The following SYNE2 variants were observed in gnomAD, a reference collection of about 807,000 sequenced individuals.
The protein encoded by SYNE2 is nesprin-2.
A neutral mutation model predicts 856.3 loss-of-function variants in SYNE2; 431 were observed. The ratio of observed to expected loss-of-function variants is 0.50; its 90% CI spans 0.47 to 0.55. The LOEUF (loss-of-function observed/expected upper bound fraction) is 0.55. Among genes scored for constraint, SYNE2 ranks in the 20% least tolerant of loss-of-function variants. The probability of loss-of-function intolerance (pLI) is 0.00; values close to 1 mark genes in which losing one functional copy is unlikely to be tolerated. For missense variants in SYNE2, 8,129 were observed against 8,023.2 expected (o/e 1.01, Z -0.50); for synonymous variants, 2,923 against 2,872.3 (o/e 1.02, Z -0.56).
At position 63,858,262 on chromosome 14, in the gene SYNE2, C is replaced by CTTTTTTTTTTTTTT. The variant is rs61091259; in HGVS notation, c.-52+5138_-52+5151dup. Among the ~76,000 whole-genome samples the CTTTTTTTTTTTTTT allele has an allele frequency of 1.7e-4, 9 of 52,932 alleles. 2 individuals are homozygous for CTTTTTTTTTTTTTT. Among genetic ancestry groups the CTTTTTTTTTTTTTT allele is most frequent in the African/African-American group, 3.4e-4 (4 of 11,652 alleles). The allele number at this position is 52,932 out of a possible 152,430, so 34.7% of individuals were successfully genotyped here. A position where few individuals can be genotyped will look rare whatever the true frequency, so the allele number is the denominator to read the frequency against. ...TACAGGTGTGCGTCTCCACACCGGC[C>CTTTTTTTTTTTTTT]TTTTTTTTTTTTTTTTTTTTTTTTT... On this transcript the variant is annotated intron_variant, in intron 1 of 115. Coordinates refer to ENST00000555002, the MANE Select transcript of SYNE2 (RefSeq NM_182914.3).
chr14:64,170,785 A>G (rs2098406907), intron 94 of SYNE2, among the ~76,000 whole-genome samples: 1 of 152,174 alleles, frequency 6.6e-6, no homozygotes, highest in Non-Finnish European at 1.5e-5. Flanking sequence ...CCACTGACTA[A>G]TGTATAAATT....
intron 1 of SYNE2, among the ~76,000 whole-genome samples, chr14:63,818,237 A>C (rs1022666510): frequency 2.0e-5 from 3 of 150,160 alleles, no homozygotes; most frequent in Non-Finnish European, 3.0e-5. Context: ...CGGGAATCTG[A>C]GGCAGGAGAA....
Position 64,137,941 on chromosome 14 carries a change from A to G in SYNE2, c.14801A>G (p.His4934Arg), listed in dbSNP as rs758936935. 7.9e-5 allele frequency: 128 copies of G among 1,614,016 alleles called. No individual in the cohort carries two copies. Among genetic ancestry groups the G allele is most frequent in the Non-Finnish European group, 1.1e-4 (125 of 1,180,008 alleles). ...QWLSLNKKID[H>R]ELHRLQALLK... ...TTGTCCCTGAACAAGAAAATTGACC[A>G]TGAGCTCCACAGGCTGCAAGCTCTT... The change falls in exon 79 of 116, where the codon CAT becomes CGT. Residue 4934 changes from histidine (H) to arginine (R), a missense_variant. By Grantham distance (29) the His-to-Arg change is conservative (BLOSUM62 0). This residue lies in a region of SYNE2 where 5,410 missense variants were observed against 5,284.8 expected (regional missense o/e 1.02). Coordinates refer to ENST00000555002, the MANE Select transcript of SYNE2 (RefSeq NM_182914.3).
At chr14:63,779,353 T>A (rs1305811045) in intron 1 of SYNE2, among the ~76,000 whole-genome samples, 1 of 139,238 alleles carries the variant, frequency 7.2e-6, no homozygotes, top group East Asian at 2.1e-4. Flanking sequence ...AATAAATAAA[T>A]AAATAAAATC....
intron 86 of SYNE2, 112 bp from the exon 87 acceptor site, chr14:64,159,200 C>G: frequency 7.2e-7 from 1 of 1,382,456 alleles, no homozygotes; most frequent in Non-Finnish European, 1.0e-6. Flanking sequence ...TTTATCAGAG[C>G]TGTAAGATTT....
In SYNE2 at chr14:63,776,318, C is replaced by T. The variant is rs534174744; in HGVS notation, c.-305+14332C>T. Among the ~76,000 whole-genome samples the T allele has an allele frequency of 1.1e-4, 17 of 152,298 alleles. No homozygotes were observed. The South Asian group carries it at 1.5e-3, about 13-fold the overall frequency. On this transcript the variant is annotated intron_variant, in intron 1 of 23. Transcript: ENST00000674003. The stretch of plus-strand genomic sequence containing the variant: ...GGTCTTAGTCCAATCCAGCTGCACA[C>T]GTGCCTTTGAACTTAAGTAATATCT...
chr14:63,862,958 T>G (rs1894146088), intron 1 of SYNE2, among the ~76,000 whole-genome samples: 1 of 151,954 alleles, frequency 6.6e-6, no homozygotes, highest in Non-Finnish European at 1.5e-5. Context: ...CCACCACACC[T>G]GGCTAATTTT....
intron 96 of SYNE2, among the ~76,000 whole-genome samples, chr14:64,181,464 G>A (rs1369406799): frequency 6.6e-6 from 1 of 152,014 alleles, no homozygotes; most frequent in African/African-American, 2.4e-5. Flanking sequence ...TTTTTCTCAA[G>A]TATCACACTT....
intron 30 of SYNE2, among the ~76,000 whole-genome samples, chr14:64,005,081 G>A (rs1459359045): frequency 6.6e-6 from 1 of 152,198 alleles, no homozygotes; most frequent in African/African-American, 2.4e-5. Flanking sequence ...GGAAAGGCAA[G>A]GAGGTGAGAA....
intron 65 of SYNE2, among the ~76,000 whole-genome samples, chr14:64,112,616 C>T (rs543112389): frequency 1.3e-5 from 2 of 152,306 alleles, no homozygotes; most frequent in African/African-American, 4.8e-5. Flanking sequence ...AAAAAGAACA[C>T]ACCACACTTT....
intron 1 of SYNE2, among the ~76,000 whole-genome samples, chr14:63,844,621 T>C (rs191839266): frequency 1.3e-5 from 2 of 152,358 alleles, no homozygotes; most frequent in East Asian, 3.9e-4. Context: ...TTTACATTCA[T>C]ATTCATAAAT....
chr14:63,959,884 C>T lies in SYNE2; in HGVS notation c.788-1641C>T, dbSNP rs925565561. 1.1e-4 allele frequency among the ~76,000 whole-genome samples: 17 copies of T among 152,026 alleles called. 1 individual carries two copies. The highest frequency in any genetic ancestry group is 4.2e-4 in the South Asian group (2 of 4,802). ...CTCCATTTTTGTATGTACAAATAACCAGGCAACTAATGAAATAGACACTAT... is the reference window on the plus strand; with the variant it reads ...CTCCATTTTTGTATGTACAAATAACTAGGCAACTAATGAAATAGACACTAT... On this transcript the variant is annotated intron_variant, in intron 8 of 115. Coordinates refer to ENST00000555002, the MANE Select transcript of SYNE2 (RefSeq NM_182914.3).
chr14:64,117,363 G>A (rs1409877667), intron 66 of SYNE2, among the ~76,000 whole-genome samples: 1 of 152,152 alleles, frequency 6.6e-6, no homozygotes, highest in Admixed American at 6.5e-5. Flanking sequence ...GCAGTAGCAT[G>A]ATCATGGCTC....
chr14:63,951,470 T>G (rs1318706307), intron 7 of SYNE2, among the ~76,000 whole-genome samples: 1 of 152,074 alleles, frequency 6.6e-6, no homozygotes, highest in Non-Finnish European at 1.5e-5. Flanking sequence ...GCCCAGCTAA[T>G]TTTGTATTTT....
At chr14:64,071,848 C>G (rs754632244) in intron 52 of SYNE2, among the ~76,000 whole-genome samples, 5 of 151,494 alleles carry the variant, frequency 3.3e-5, no homozygotes, top group Non-Finnish European at 7.4e-5. Context: ...AAAACCCCGT[C>G]TCTACTAAAA....
chr14:64,071,698 A>G (rs984641698), intron 52 of SYNE2, among the ~76,000 whole-genome samples: 1 of 152,052 alleles, frequency 6.6e-6, no homozygotes. Flanking sequence ...TTGTCTTCCT[A>G]TGCCATTAAA....
chr14:63,979,713 G>A (rs959015179), intron 14 of SYNE2, among the ~76,000 whole-genome samples: 3 of 152,180 alleles, frequency 2.0e-5, no homozygotes, highest in Admixed American at 6.5e-5. Flanking sequence ...AGGAGTTCGA[G>A]ACATGGCGAA....
intron 1 of SYNE2, among the ~76,000 whole-genome samples, chr14:63,860,954 G>A (rs1206464677): frequency 6.6e-6 from 1 of 152,020 alleles, no homozygotes; most frequent in African/African-American, 2.4e-5. Context: ...CAGGGACCAG[G>A]AGCAGCCAAC....
At chr14:63,955,458 T>A (rs1657277872) in intron 8 of SYNE2, among the ~76,000 whole-genome samples, 1 of 152,210 alleles carries the variant, frequency 6.6e-6, no homozygotes, top group African/African-American at 2.4e-5. Flanking sequence ...CTTTATAAAA[T>A]TAAGATTTAA....
Sources: allele counts gnomAD v4.1 joint callset (sites outside exome capture counted in the v4.1 genomes callset), GRCh38; gene constraint gnomAD v4.1.1; regional missense constraint gnomAD v4.1.1; transcripts MANE v1.5; gene names NCBI Gene and HGNC (gene_info 2026-07-23, HGNC 2026-07-21).